Variants in PCBD2 observed in about 807,000 individuals in gnomAD.
PCBD2 encodes pterin-4 alpha-carbinolamine dehydratase 2, also known as pterin-4-alpha-carbinolamine dehydratase 2.
PCBD2 carries 12 observed loss-of-function variants against 16.4 expected under a neutral mutation model. The observed-to-expected ratio is 0.73, with a 90% CI of 0.47 to 1.19. The LOEUF (loss-of-function observed/expected upper bound fraction) is 1.19. Ranked by LOEUF, PCBD2 falls within the 50% of genes most tolerant of loss-of-function variation. PCBD2 has a pLI of 0.00. For synonymous variants in PCBD2, 58 were observed against 61.8 expected (o/e 0.94, Z 0.29); for missense variants, 138 against 156.8 (o/e 0.88, Z 0.64).
In PCBD2 at chr5:134,910,813, C is replaced by T. The variant is rs1377112307; in HGVS notation, c.216+347C>T. 2.6e-5 allele frequency among the ~76,000 whole-genome samples: 4 copies of T among 152,094 alleles called. 1 individual carries two copies. The highest frequency in any genetic ancestry group is 5.9e-5 in the Non-Finnish European group (4 of 67,990). ...TATTATTGATTATTATTTTTTGAGA[C>T]AGGGTCTTGCTCTGTTGCCCAGGCT... On this transcript the variant is annotated intron_variant, in intron 2 of 3. Transcript: ENST00000254908.
At chr5:134,929,553 C>T (rs1751067618) in intron 2 of PCBD2, among the ~76,000 whole-genome samples, 1 of 151,852 alleles carries the variant, frequency 6.6e-6, no homozygotes, top group African/African-American at 2.4e-5. Flanking sequence ...CACAGGACAG[C>T]CTGGAGAGGA....
At chr5:134,943,033 A>G (rs756167888) in intron 2 of PCBD2, among the ~76,000 whole-genome samples, 16 of 152,234 alleles carry the variant, frequency 1.1e-4, no homozygotes, top group Non-Finnish European at 2.1e-4. Flanking sequence ...CAGTTCTGTA[A>G]CAAGCATCCT....
chr5:134,910,521 A>G (rs1750756007), intron 2 of PCBD2, 55 bp downstream of exon 2: 6 of 1,572,756 alleles, frequency 3.8e-6, no homozygotes, highest in African/African-American at 1.4e-5. Flanking sequence ...ACCTTAGGCC[A>G]TAACACTTTC....
Position 134,961,008 on chromosome 5 carries a change from G to A in PCBD2, c.*327G>A, listed in dbSNP as rs190010404. On this transcript the variant is annotated 3_prime_UTR_variant, in exon 4 of 4. Coordinates refer to ENST00000254908, the MANE Select transcript of PCBD2 (RefSeq NM_032151.5). ...TCTCGAACTCCTGACCTCGTGATCCGCCTGCCTCAGCCTCCCAAAGTGCTG... is the reference window on the plus strand; with the variant it reads ...TCTCGAACTCCTGACCTCGTGATCCACCTGCCTCAGCCTCCCAAAGTGCTG... 3.4e-3 allele frequency: 600 copies of A among 175,178 alleles called. 8 individuals are homozygous for A. The East Asian group carries it at 0.035, about 10-fold the overall frequency. The allele number at this position is 175,178 out of a possible 1,614,324, so 10.9% of individuals were successfully genotyped here.
In PCBD2 at chr5:134,921,712, T is replaced by TA. The variant is rs548360263; in HGVS notation, c.216+11247dup. 3.7e-3 allele frequency among the ~76,000 whole-genome samples: 567 copies of TA among 152,250 alleles called. 7 individuals are homozygous for TA. The highest frequency in any genetic ancestry group is 0.013 in the African/African-American group (525 of 41,530). Reference sequence around the variant, plus strand: ...GCACCTAGACCTGAAACGGAAGAATTATCCTGGTGATTTGTTACCAAGAAC... The same window carrying TA: ...GCACCTAGACCTGAAACGGAAGAATTAATCCTGGTGATTTGTTACCAAGAAC... On this transcript the variant is annotated intron_variant, in intron 2 of 3. Transcript: ENST00000254908.
At chr5:134,928,532 G>A (rs191560891) in intron 2 of PCBD2, 267 of 280,266 alleles carry the variant, frequency 9.5e-4, no homozygotes, top group Non-Finnish European at 1.5e-3. Context: ...AAGGAGTGAA[G>A]GGTATTAAGA....
At chr5:134,938,818 A>G (rs1257015764) in intron 2 of PCBD2, among the ~76,000 whole-genome samples, 1 of 152,208 alleles carries the variant, frequency 6.6e-6, no homozygotes, top group Non-Finnish European at 1.5e-5. Context: ...ATTTGTTTTG[A>G]CGTAACCAAA....
chr5:134,949,427 A>G (rs1751335146), intron 2 of PCBD2, among the ~76,000 whole-genome samples: 1 of 152,206 alleles, frequency 6.6e-6, no homozygotes, highest in South Asian at 2.1e-4. Context: ...TGTAAAGTAT[A>G]TTACATGAAT....
At chr5:134,924,021 A>G (rs779270693) in intron 2 of PCBD2, 25 of 395,120 alleles carry the variant, frequency 6.3e-5, no homozygotes, top group Non-Finnish European at 1.1e-4. Flanking sequence ...TAATTTTATC[A>G]AGGGGTTAAT....
chr5:134,924,436 G>A lies in PCBD2; in HGVS notation c.216+13970G>A, dbSNP rs535879550. The stretch of plus-strand genomic sequence containing the variant: ...GTGATGGAAGTAGGATTAGTGTTAT[G>A]GGTGAAAGAGTATGATGGGGTGGTG... On this transcript the variant is annotated intron_variant, in intron 2 of 3. Transcript: ENST00000254908. 3 of 396,886 alleles carry A rather than the reference G, an allele frequency of 7.6e-6. No individual in the cohort carries two copies. The South Asian group carries it at 3.9e-4, about 51-fold the overall frequency. The allele number at this position is 396,886 out of a possible 1,614,324, so 24.6% of individuals were successfully genotyped here. A position where few individuals can be genotyped will look rare whatever the true frequency, so the allele number is the denominator to read the frequency against.
At chr5:134,926,825 G>T (rs1487224203) in intron 2 of PCBD2, 2 of 397,930 alleles carry the variant, frequency 5.0e-6, no homozygotes, top group Non-Finnish European at 8.9e-6. Flanking sequence ...GGGAGTATAG[G>T]GCTGTGATTA....
intron 3 of PCBD2, among the ~76,000 whole-genome samples, chr5:134,959,991 A>G (rs909332235): frequency 4.0e-5 from 6 of 148,712 alleles, no homozygotes; most frequent in Admixed American, 6.9e-5. Context: ...CCCGGGTTCA[A>G]GCGATTCTGC....
chr5:134,906,361 G>T (rs1373207875), intron 1 of PCBD2, among the ~76,000 whole-genome samples: 2 of 151,580 alleles, frequency 1.3e-5, no homozygotes, highest in Non-Finnish European at 2.9e-5. Context: ...CCGTCGCCAC[G>T]CCCGGCTAAT....
At chr5:134,954,565 A>G (rs1003422319) in intron 2 of PCBD2, among the ~76,000 whole-genome samples, 7 of 152,180 alleles carry the variant, frequency 4.6e-5, no homozygotes, top group Non-Finnish European at 1.0e-4. Context: ...ATGAGTGATA[A>G]TTATTCCCTG....
At chr5:134,942,936 A>G (rs1448034259) in intron 2 of PCBD2, among the ~76,000 whole-genome samples, 1 of 152,230 alleles carries the variant, frequency 6.6e-6, no homozygotes, top group Non-Finnish European at 1.5e-5. Flanking sequence ...ATTCCTTTGC[A>G]AATCAAATAC....
chr5:134,959,497 AG>A (rs1312560816), intron 3 of PCBD2, among the ~76,000 whole-genome samples: 1 of 152,218 alleles, frequency 6.6e-6, no homozygotes, highest in African/African-American at 2.4e-5. Context: ...TTTTTACTCA[AG>A]AACTGTGCTT....
At chr5:134,931,627 T>C (rs1214842247) in intron 2 of PCBD2, among the ~76,000 whole-genome samples, 1 of 152,196 alleles carries the variant, frequency 6.6e-6, no homozygotes, top group African/African-American at 2.4e-5. Flanking sequence ...GGACCATCAT[T>C]CCAAGGCCAG....
chr5:134,959,179 C>G, intron 3 of PCBD2, 59 bp downstream of exon 3: 1 of 1,263,042 alleles, frequency 7.9e-7, no homozygotes. Context: ...AAACTTCTTT[C>G]TTCCTTGTCA....
At chr5:134,923,571 A>G (rs1750934972) in intron 2 of PCBD2, 1 of 328,068 alleles carries the variant, frequency 3.0e-6, no homozygotes, top group Non-Finnish European at 5.5e-6. Flanking sequence ...TCATTGGACC[A>G]GATCTGTTCC....
Sources: gnomAD v4.1 joint callset for allele counts (sites outside exome capture counted in the v4.1 genomes callset) on GRCh38, gnomAD v4.1.1 for gene constraint, MANE v1.5 for transcripts, NCBI Gene and HGNC (gene_info 2026-07-23, HGNC 2026-07-21) for gene names.